Variants in NCOA1 observed in about 807,000 individuals in gnomAD.
The protein encoded by NCOA1 is Hin-2 protein.
A neutral mutation model predicts 150.9 loss-of-function variants in NCOA1; 35 were observed. The observed-to-expected ratio is 0.23, with a 90% CI of 0.18 to 0.31. NCOA1 has a LOEUF of 0.31. Among genes scored for constraint, NCOA1 ranks in the 10% least tolerant of loss-of-function variants. The probability of loss-of-function intolerance (pLI) is 1.00; values close to 1 mark genes in which losing one functional copy is unlikely to be tolerated. For synonymous variants in NCOA1, 590 were observed against 630.0 expected, an observed-to-expected ratio of 0.94 and a Z score of 0.95; for missense variants, 1,491 against 1,749.3, an observed-to-expected ratio of 0.85 and a Z score of 2.63.
At chr2:24,524,518 C>T (rs1664569699) in intron 1 of NCOA1, among the ~76,000 whole-genome samples, 1 of 152,122 alleles carries the variant, frequency 6.6e-6, no homozygotes. Context: ...TGGTCTTGAA[C>T]TCCCGGGCTT....
intron 3 of NCOA1, among the ~76,000 whole-genome samples, chr2:24,642,043 C>CGTGCGTATGTGTGT (rs1558866595): frequency 2.2e-5 from 2 of 90,558 alleles, no homozygotes; most frequent in African/African-American, 8.5e-5. Context: ...TGTGTGCGCG[C>CGTGCGTATGTGTGT]GTGCGTATGT....
At chr2:24,635,360 G>C (rs1669896130) in intron 3 of NCOA1, among the ~76,000 whole-genome samples, 1 of 152,052 alleles carries the variant, frequency 6.6e-6, no homozygotes, top group African/African-American at 2.4e-5. Flanking sequence ...TCCCTTGCTT[G>C]ACTGGCCATG....
At chr2:24,766,628 G>T (rs1665078919) in intron 22 of NCOA1, among the ~76,000 whole-genome samples, 1 of 152,100 alleles carries the variant, frequency 6.6e-6, no homozygotes, top group Non-Finnish European at 1.5e-5. Flanking sequence ...GAGAGAACAG[G>T]AAGAGAACAG....
intron 14 of NCOA1, chr2:24,711,341 A>G: frequency 2.8e-6 from 1 of 357,742 alleles, no homozygotes; most frequent in Middle Eastern, 7.5e-4. Flanking sequence ...TGAGCAATTG[A>G]TGTTAAGGAG....
At chr2:24,513,678 A>C (rs1368243967) in intron 1 of NCOA1, among the ~76,000 whole-genome samples, 3 of 152,336 alleles carry the variant, frequency 2.0e-5, no homozygotes, top group South Asian at 4.1e-4. Context: ...TCAACTTTGG[A>C]GAATAATTTG....
intron 3 of NCOA1, among the ~76,000 whole-genome samples, chr2:24,604,696 C>T (rs557950285): frequency 6.6e-6 from 1 of 152,308 alleles, no homozygotes; most frequent in South Asian, 2.1e-4. Flanking sequence ...CTGGTTTGAT[C>T]TATCCAGACC....
intron 1 of NCOA1, among the ~76,000 whole-genome samples, chr2:24,546,186 C>T (rs187158151): frequency 9.3e-5 from 14 of 150,490 alleles, no homozygotes; most frequent in East Asian, 5.8e-4. Context: ...GCCTGGGCTA[C>T]GGAGCAAGAT....
At chr2:24,742,314 G>GAATCCTGGGTCTCCA in intron 19 of NCOA1, 128 bp downstream of exon 19, 2 of 1,100,264 alleles carry the variant, frequency 1.8e-6, no homozygotes, top group Non-Finnish European at 2.5e-6. Context: ...GTGGGAGTCT[G>GAATCCTGGGTCTCCA]GAGACCCAGG....
At chr2:24,548,312 G>A (rs1370813502) in intron 1 of NCOA1, among the ~76,000 whole-genome samples, 2 of 152,202 alleles carry the variant, frequency 1.3e-5, no homozygotes, top group Non-Finnish European at 2.9e-5. Flanking sequence ...GATGTTGTGA[G>A]ATTTATTCAC....
chr2:24,717,234 C>T lies in NCOA1; in HGVS notation c.2599+6123C>T, dbSNP rs141278413. Among the ~76,000 whole-genome samples the T allele has an allele frequency of 5.3e-3, 805 of 152,302 alleles. 5 individuals carry two copies. The highest frequency in any genetic ancestry group is 0.019 in the African/African-American group (770 of 41,556). On this transcript the variant is annotated intron_variant, in intron 14 of 22. Coordinates refer to ENST00000348332, the MANE Select transcript of NCOA1 (RefSeq NM_003743.5). Reference sequence around the variant, plus strand: ...CTAAACATACTCTTACCATATGATCCAGCAATCACACTCCTTGATATTTAC... The same window carrying T: ...CTAAACATACTCTTACCATATGATCTAGCAATCACACTCCTTGATATTTAC...
intron 11 of NCOA1, among the ~76,000 whole-genome samples, chr2:24,702,190 A>G (rs1220022786): frequency 6.6e-6 from 1 of 152,216 alleles, no homozygotes; most frequent in East Asian, 1.9e-4. Flanking sequence ...TTTTATGTCA[A>G]ACTTTGTTAA....
intron 3 of NCOA1, among the ~76,000 whole-genome samples, chr2:24,600,575 C>T (rs1323570474): frequency 2.6e-5 from 4 of 152,114 alleles, no homozygotes; most frequent in South Asian, 2.1e-4. Flanking sequence ...CTGTGTATGC[C>T]TTTGCTTTCA....
chr2:24,691,250 A>T (rs529872430), intron 8 of NCOA1, among the ~76,000 whole-genome samples: 1 of 152,184 alleles, frequency 6.6e-6, no homozygotes, highest in Non-Finnish European at 1.5e-5. Context: ...TGAGGGGAAG[A>T]TCATACGTAT....
At chr2:24,598,699 ACTT>A (rs1558825779) in intron 3 of NCOA1, among the ~76,000 whole-genome samples, 1 of 152,080 alleles carries the variant, frequency 6.6e-6, no homozygotes, top group African/African-American at 2.4e-5. Context: ...AAAACAAAAA[ACTT>A]CTAGGAGTTA....
intron 3 of NCOA1, among the ~76,000 whole-genome samples, chr2:24,637,802 T>C (rs1442996302): frequency 6.6e-6 from 1 of 152,190 alleles, no homozygotes; most frequent in Admixed American, 6.5e-5. Context: ...TTCAAGCCAT[T>C]CTCCTGCCTC....
At position 24,707,995 on chromosome 2, in the gene NCOA1, A is replaced by G. The variant is rs1204686902; in HGVS notation, c.2418+107A>G. On this transcript the variant is annotated intron_variant, in intron 13 of 22. Transcript: ENST00000348332. The stretch of plus-strand genomic sequence containing the variant: ...ATGAATTCATACTATGTTTTATCCT[A>G]TCCATTGGGCATATATTAAGAGGTT... 1.8e-5 allele frequency: 24 copies of G among 1,350,412 alleles called. No individual in the cohort carries two copies. In the Middle Eastern group the frequency reaches 6.1e-4, roughly 34 times the overall value. The allele number at this position is 1,350,412 out of a possible 1,614,324, so 83.7% of individuals were successfully genotyped here.
intron 3 of NCOA1, among the ~76,000 whole-genome samples, chr2:24,598,602 G>T (rs1192612261): frequency 6.6e-6 from 1 of 151,982 alleles, no homozygotes; most frequent in Non-Finnish European, 1.5e-5. Context: ...CCTTATGAGA[G>T]GCTTGGGGAA....
chr2:24,507,040 G>C (rs1478270864), intron 1 of NCOA1, among the ~76,000 whole-genome samples: 1 of 152,168 alleles, frequency 6.6e-6, no homozygotes, highest in Non-Finnish European at 1.5e-5. Flanking sequence ...TGTCCTTGTT[G>C]ATGTTGTTAC....
Position 24,705,113 on chromosome 2 carries a change from C to T in NCOA1, c.977C>T (p.Pro326Leu). ...ATGACTCGTGGCACTGCCTCCAGCC[C>T]CTCCTATAGATTCATATTGAATGAT... is the stretch of plus-strand genomic sequence containing the variant. ...EVMTRGTASSPSYRFILNDGT... is the reference protein window; with the variant it reads ...EVMTRGTASSLSYRFILNDGT... Residue 326 changes from proline (P) to leucine (L), a missense_variant, in exon 12 of 23, where the codon CCC becomes CTC. This residue lies in a region of NCOA1 where 703 missense variants were observed against 717.7 expected (regional missense o/e 0.98). Transcript: ENST00000348332. 1 of 1,613,932 alleles carries T rather than the reference C, an allele frequency of 6.2e-7. No individual in the cohort carries two copies. Among genetic ancestry groups the T allele is most frequent in the East Asian group, 2.2e-5 (1 of 44,878 alleles).
Sources: gnomAD v4.1 joint callset for allele counts (sites outside exome capture counted in the v4.1 genomes callset) on GRCh38, gnomAD v4.1.1 for gene constraint, gnomAD v4.1.1 regional missense constraint, MANE v1.5 for transcripts, NCBI Gene and HGNC (gene_info 2026-07-23, HGNC 2026-07-21) for gene names.